WIF1: variants seen among roughly 807,000 people sequenced by gnomAD.
The protein encoded by WIF1 is Wnt inhibitory factor 1.
In WIF1, 35 loss-of-function variants were observed where a neutral mutation model predicts 53.5. That is an observed-to-expected ratio of 0.65 (90% confidence interval 0.50 to 0.87). WIF1 has a LOEUF of 0.87. Ranked by LOEUF, WIF1 falls within the 40% of genes least tolerant of loss-of-function variation. The pLI is 0.00. For synonymous variants in WIF1, 171 were observed against 170.4 expected (o/e 1.00, Z -0.03); for missense variants, 467 against 476.8 (o/e 0.98, Z 0.19).
At chr12:65,085,839 G>T (rs1392313488) in intron 2 of WIF1, among the ~76,000 whole-genome samples, 1 of 152,148 alleles carries the variant, frequency 6.6e-6, no homozygotes, top group Non-Finnish European at 1.5e-5. Context: ...ACTGGCAGAA[G>T]ATCACAGTTT....
At chr12:65,060,917 A>G (rs957927350) in intron 7 of WIF1, among the ~76,000 whole-genome samples, 2 of 152,152 alleles carry the variant, frequency 1.3e-5, no homozygotes, top group Admixed American at 6.5e-5. Flanking sequence ...AAAACAAAAA[A>G]CCAAGAATAC....
chr12:65,050,861 A>G lies in WIF1; in HGVS notation c.*488T>C. 9.4e-6 allele frequency: 2 copies of G among 211,924 alleles called. No homozygotes were observed. The highest frequency in any genetic ancestry group is 1.4e-4 in the East Asian group (2 of 13,832). The allele number at this position is 211,924 out of a possible 1,614,324, so 13.1% of individuals were successfully genotyped here. A position where few individuals can be genotyped will look rare whatever the true frequency, so the allele number is the denominator to read the frequency against. On this transcript the variant is annotated 3_prime_UTR_variant, in exon 10 of 10. Coordinates refer to ENST00000286574, the MANE Select transcript of WIF1 (RefSeq NM_007191.5). ...AATCTCTGGAATAATGGTAAGGTCA[A>G]AATATATTGTATTGAGAGTTTAAAA...
chr12:65,104,759 G>A (rs1883330385), intron 2 of WIF1, among the ~76,000 whole-genome samples: 1 of 151,988 alleles, frequency 6.6e-6, no homozygotes, highest in South Asian at 2.1e-4. Context: ...CATAATACAA[G>A]GTTTACAGGC....
intron 2 of WIF1, among the ~76,000 whole-genome samples, chr12:65,087,158 A>T (rs1302095635): frequency 6.6e-6 from 1 of 152,088 alleles, no homozygotes; most frequent in Non-Finnish European, 1.5e-5. Flanking sequence ...GCGGGGGAAA[A>T]AATAAAACAA....
rs750455706 is a variant in WIF1, at chr12:65,121,033, G to C, written c.148+11C>G. 4 of 1,453,494 alleles carry C rather than the reference G, an allele frequency of 2.8e-6. No homozygotes were observed. In the African/African-American group the frequency reaches 5.8e-5, roughly 21 times the overall value. The allele number at this position is 1,453,494 out of a possible 1,614,324, so 90.0% of individuals were successfully genotyped here. On this transcript the variant is annotated intron_variant, in intron 1 of 9. Coordinates refer to ENST00000286574, the MANE Select transcript of WIF1 (RefSeq NM_007191.5). ...ATAGGCAGGGGAAGGCGCTGGAGGCGGGGGCCTTACCTATGAGTACTCTTG... is the reference window on the plus strand; with the variant it reads ...ATAGGCAGGGGAAGGCGCTGGAGGCCGGGGCCTTACCTATGAGTACTCTTG...
intron 2 of WIF1, among the ~76,000 whole-genome samples, chr12:65,102,710 G>C (rs1259445444): frequency 6.6e-6 from 1 of 152,150 alleles, no homozygotes; most frequent in Admixed American, 6.5e-5. Flanking sequence ...AAGGTCCCCA[G>C]GGTGTGAATT....
In WIF1 at chr12:65,121,077, A is replaced by G. The variant is rs1883601974; in HGVS notation, c.115T>C (p.Trp39Arg). The change falls in exon 1 of 10, where the codon TGG becomes CGG. Residue 39 changes from tryptophan to arginine, a missense_variant. Trp to Arg is a moderately radical substitution (Grantham distance 101, BLOSUM62 -3). Transcript: ENST00000286574. ...ACTCTTGCCTGGTGAGCATCGATCCATAGGTACAGGCTCTCCTCCTGCGGC... is the reference window on the plus strand; with the variant it reads ...ACTCTTGCCTGGTGAGCATCGATCCGTAGGTACAGGCTCTCCTCCTGCGGC... ...GPPQEESLYLWIDAHQARVLI... is the reference protein window; with the variant it reads ...GPPQEESLYLRIDAHQARVLI... 4 of 1,543,536 alleles carry G rather than the reference A, an allele frequency of 2.6e-6. No individual in the cohort carries two copies. The highest frequency in any genetic ancestry group is 2.6e-6 in the Non-Finnish European group (3 of 1,142,842).
At chr12:65,120,769 G>T in intron 1 of WIF1, 2 of 782,334 alleles carry the variant, frequency 2.6e-6, no homozygotes, top group South Asian at 2.3e-5. Flanking sequence ...AAAAGGGATG[G>T]ACATGGAGTT....
intron 2 of WIF1, among the ~76,000 whole-genome samples, chr12:65,089,181 A>G (rs1309972977): frequency 6.6e-6 from 1 of 151,960 alleles, no homozygotes; most frequent in South Asian, 2.1e-4. Context: ...TAATGGACAA[A>G]CTCATTATCT....
chr12:65,108,613 T>C (rs1267033735), intron 2 of WIF1, among the ~76,000 whole-genome samples: 1 of 152,190 alleles, frequency 6.6e-6, no homozygotes, highest in Non-Finnish European at 1.5e-5. Flanking sequence ...CAATAAGTCC[T>C]GTCGATTACA....
intron 2 of WIF1, among the ~76,000 whole-genome samples, chr12:65,084,107 C>T (rs1416380122): frequency 6.6e-6 from 1 of 152,058 alleles, no homozygotes. Context: ...TCTCATGTCC[C>T]CACAGAAAGA....
At chr12:65,072,263 T>C (rs1431142439) in intron 3 of WIF1, among the ~76,000 whole-genome samples, 1 of 152,190 alleles carries the variant, frequency 6.6e-6, no homozygotes, top group East Asian at 1.9e-4. Flanking sequence ...TGGAATGTTC[T>C]TTCTTGTGTT....
Position 65,069,279 on chromosome 12 carries a change from G to A in WIF1, c.398-375C>T, listed in dbSNP as rs191493762. ...GCATGGGAAGAACAGAAAGACAAAC[G>A]AAAATAAATAAAAAGCAGTTGATTC... On this transcript the variant is annotated intron_variant, in intron 3 of 9. Transcript: ENST00000286574. Among the ~76,000 whole-genome samples, 89 of 152,194 alleles carry A rather than the reference G, an allele frequency of 5.8e-4. 2 individuals carry two copies. The highest frequency in any genetic ancestry group is 8.3e-4 in the South Asian group (4 of 4,826).
At chr12:65,084,696 G>T (rs1356937241) in intron 2 of WIF1, among the ~76,000 whole-genome samples, 1 of 152,190 alleles carries the variant, frequency 6.6e-6, no homozygotes, top group African/African-American at 2.4e-5. Flanking sequence ...AATATCTGCT[G>T]AATAAGTGAA....
chr12:65,074,817 CAA>C (rs758690202), intron 3 of WIF1, among the ~76,000 whole-genome samples: 6 of 55,450 alleles, frequency 1.1e-4, no homozygotes, highest in African/African-American at 1.4e-4. Flanking sequence ...CACTCTGTCT[CAA>C]AAAAAAAAAA....
chr12:65,094,876 C>T (rs1207701805), intron 2 of WIF1, among the ~76,000 whole-genome samples: 2 of 150,852 alleles, frequency 1.3e-5, no homozygotes, highest in African/African-American at 4.9e-5. Flanking sequence ...CATGGATTCT[C>T]CTCCTCCTCC....
At chr12:65,090,484 G>T (rs555115913) in intron 2 of WIF1, among the ~76,000 whole-genome samples, 48 of 152,136 alleles carry the variant, frequency 3.2e-4, no homozygotes, top group Non-Finnish European at 5.3e-4. Flanking sequence ...AATCAAGTAA[G>T]TAAAAAATCG....
At chr12:65,053,710 A>G (rs1882478903) in intron 9 of WIF1, among the ~76,000 whole-genome samples, 1 of 152,118 alleles carries the variant, frequency 6.6e-6, no homozygotes, top group Non-Finnish European at 1.5e-5. Flanking sequence ...CCAGATACCA[A>G]CCTACCTTAA....
At chr12:65,074,837 A>AAAG (rs1882836006) in intron 3 of WIF1, among the ~76,000 whole-genome samples, 1 of 133,476 alleles carries the variant, frequency 7.5e-6, no homozygotes, top group Admixed American at 8.1e-5. Context: ...AAAAAAAAAA[A>AAAG]AGAAAAGAAA....
Sources: allele counts gnomAD v4.1 joint callset (sites outside exome capture counted in the v4.1 genomes callset), GRCh38; gene constraint gnomAD v4.1.1; transcripts MANE v1.5; gene names NCBI Gene and HGNC (gene_info 2026-07-23, HGNC 2026-07-21).